Variants in HK1 observed in about 807,000 individuals in gnomAD.
The protein encoded by HK1 is hexokinase-1.
Under a neutral mutation model 91.6 loss-of-function variants are expected in HK1, and 28 were observed. That is an observed-to-expected ratio of 0.31 (90% CI 0.23 to 0.42). The LOEUF is 0.42. HK1 is among the 10% of genes least tolerant of loss of function. The pLI is 1.00. For synonymous variants in HK1, 430 were observed against 468.1 expected (o/e 0.92, Z 1.05); for missense variants, 770 against 1,219.8 (o/e 0.63, Z 5.49).
chr10:69,382,763 C>T lies in HK1; in HGVS notation c.1542C>T (p.Ser514=), dbSNP rs1399324943. 11 of 1,612,790 alleles carry T rather than the reference C, an allele frequency of 6.8e-6. No individual in the cohort carries two copies. The highest frequency in any genetic ancestry group is 9.3e-6 in the Non-Finnish European group (11 of 1,179,738). The change falls in exon 10 of 18, where the codon TCC becomes TCT. Residue 514 remains serine, a synonymous_variant. Transcript: ENST00000359426. ...ATGCCGTGGTTAAGATGCTGCCCTCCTTCGTCCGGAGAACTCCCGACGGGA... is the reference window on the plus strand; with the variant it reads ...ATGCCGTGGTTAAGATGCTGCCCTCTTTCGTCCGGAGAACTCCCGACGGGA... ...HNNAVVKMLP[S]FVRRTPDGTE... is the part of the protein sequence containing the mutation.
rs535783019 is a variant in HK1, at chr10:69,358,897, T to C, written c.227-1000T>C. On this transcript the variant is annotated intron_variant, in intron 2 of 17. Transcript: ENST00000359426. The stretch of plus-strand genomic sequence containing the variant: ...AAAAAAAAAAAAGGATGAAATTCTA[T>C]TGGGGGCAGGGTGGCTCATACCTGC... 6.0e-5 allele frequency among the ~76,000 whole-genome samples: 9 copies of C among 150,628 alleles called. No individual in the cohort carries two copies. The South Asian group carries it at 1.3e-3, about 21-fold the overall frequency.
intron 1 of HK1, among the ~76,000 whole-genome samples, chr10:69,272,501 T>C (rs557025612): frequency 1.3e-5 from 2 of 152,320 alleles, no homozygotes; most frequent in South Asian, 4.1e-4. Flanking sequence ...TGAAAATGTC[T>C]TTTTACCCTT....
At chr10:69,362,889 T>G (rs949132351) in intron 3 of HK1, among the ~76,000 whole-genome samples, 6 of 152,238 alleles carry the variant, frequency 3.9e-5, no homozygotes, top group African/African-American at 1.4e-4. Context: ...AGATGCCAGC[T>G]GCTCTGCAGC....
intron 2 of HK1, among the ~76,000 whole-genome samples, chr10:69,358,211 ATATCT>A (rs1849230501): frequency 6.6e-6 from 1 of 152,178 alleles, no homozygotes; most frequent in South Asian, 2.1e-4. Flanking sequence ...CGAGTGAAAC[ATATCT>A]TAACTGATTT....
chr10:69,311,524 C>T (rs770022566), upstream of HK1, among the ~76,000 whole-genome samples: 17 of 152,180 alleles, frequency 1.1e-4, no homozygotes, highest in Admixed American at 7.9e-4. Context: ...CAAAAGATAA[C>T]GATTTCATTT....
intron 3 of HK1, among the ~76,000 whole-genome samples, chr10:69,289,656 G>A (rs1245961636): frequency 2.6e-5 from 4 of 151,556 alleles, no homozygotes; most frequent in African/African-American, 9.7e-5. Context: ...TTTTTTTGTA[G>A]AGATGGGGTT....
At chr10:69,316,241 G>C (rs754069917), upstream of HK1, among the ~76,000 whole-genome samples, 4 of 152,190 alleles carry the variant, frequency 2.6e-5, no homozygotes, top group East Asian at 7.7e-4. Flanking sequence ...AGAAGGCCTC[G>C]GAAACCAGGC....
intron 2 of HK1, among the ~76,000 whole-genome samples, chr10:69,285,981 C>G (rs1845012505): frequency 6.6e-6 from 1 of 152,144 alleles, no homozygotes; most frequent in Non-Finnish European, 1.5e-5. Context: ...TCTTCTCTGT[C>G]ATGTTACAGA....
In HK1 at chr10:69,276,082, C is replaced by G. The variant is rs1403601288; in HGVS notation, c.-391+5974C>G. 7.4e-5 allele frequency among the ~76,000 whole-genome samples: 5 copies of G among 67,456 alleles called. No individual in the cohort carries two copies. The South Asian group carries it at 2.8e-3, about 38-fold the overall frequency. 44.3% of individuals were successfully genotyped at this position (67,456 alleles called of 152,430 possible). ...TCCAGCCTGGGCAGCAAGAGCAAAA[C>G]TCCTTTTCAAAAAAAAAAAAAAAAA... On this transcript the variant is annotated intron_variant, in intron 1 of 21. Transcript: ENST00000360289.
intron 2 of HK1, among the ~76,000 whole-genome samples, chr10:69,345,482 G>C (rs1848501655): frequency 6.6e-6 from 1 of 152,156 alleles, no homozygotes; most frequent in South Asian, 2.1e-4. Flanking sequence ...AACCTTTCCA[G>C]GATGAGGAGA....
At position 69,398,707 on chromosome 10, in the gene HK1, G is replaced by A; in HGVS notation, c.2488G>A (p.Ala830Thr). 2 of 1,614,222 alleles carry A rather than the reference G, an allele frequency of 1.2e-6. No individual in the cohort carries two copies. Among genetic ancestry groups the A allele is most frequent in the Non-Finnish European group, 8.5e-7 (1 of 1,180,036 alleles). ...KTVCGVVSRR[A>T]AQLCGAGMAA... ...AGTGTGCGGGGTGGTGTCCAGGAGG[G>A]CCGCACAGCTGTGTGGCGCAGGCAT... The change falls in exon 17 of 18, where the codon GCC (alanine) becomes ACC (threonine). Residue 830 changes from alanine (A) to threonine (T), a missense_variant. Physicochemically the swap from Ala to Thr is moderately conservative, Grantham distance 58. Coordinates refer to ENST00000359426, the MANE Select transcript of HK1 (RefSeq NM_000188.3).
intron 8 of HK1, among the ~76,000 whole-genome samples, chr10:69,378,310 A>C (rs915764049): frequency 3.7e-4 from 40 of 107,932 alleles, no homozygotes; most frequent in Non-Finnish European, 6.3e-4. Flanking sequence ...AGGCTATCTC[A>C]AAAAAAAAAA....
chr10:69,370,034 G>T (rs77084807), intron 7 of HK1, among the ~76,000 whole-genome samples: 2 of 152,158 alleles, frequency 1.3e-5, no homozygotes, highest in South Asian at 2.1e-4. Context: ...CACCTAGCGC[G>T]GCCTAAAGCC....
At chr10:69,383,233 A>G (rs890972948) in intron 10 of HK1, among the ~76,000 whole-genome samples, 1 of 152,238 alleles carries the variant, frequency 6.6e-6, no homozygotes, top group African/African-American at 2.4e-5. Flanking sequence ...CACAGCACTG[A>G]TTAGGTTTTC....
At chr10:69,334,748 T>C (rs17476364) in intron 1 of HK1, among the ~76,000 whole-genome samples, 9,707 of 152,186 alleles carry the variant, frequency 0.064, 427 homozygotes, top group Non-Finnish European at 0.098. Flanking sequence ...ACTCACGGTC[T>C]AGCTGGCGGT....
chr10:69,304,847 G>A lies in HK1; in HGVS notation c.27+3986G>A, dbSNP rs921097701. Among the ~76,000 whole-genome samples, 5 of 152,262 alleles carry A rather than the reference G, an allele frequency of 3.3e-5. No homozygotes were observed. The South Asian group carries it at 1.0e-3, about 32-fold the overall frequency. Reference sequence around the variant, plus strand: ...TCCTGCTCATGTGGTTGTTTGCAGCGTTCGGTTCCTTGTAGCTGTAGGATT... The same window carrying A: ...TCCTGCTCATGTGGTTGTTTGCAGCATTCGGTTCCTTGTAGCTGTAGGATT... On this transcript the variant is annotated intron_variant, in intron 5 of 21. Coordinates refer to the HK1 transcript ENST00000360289.
intron 1 of HK1, among the ~76,000 whole-genome samples, chr10:69,326,126 G>A (rs570120032): frequency 8.0e-5 from 12 of 150,068 alleles, no homozygotes; most frequent in Admixed American, 3.3e-4. Context: ...GAGCCACCGC[G>A]CCTGGCCGCT....
intron 1 of HK1, among the ~76,000 whole-genome samples, chr10:69,342,448 G>T (rs561248567): frequency 6.6e-5 from 10 of 152,334 alleles, no homozygotes; most frequent in Middle Eastern, 3.4e-3. Flanking sequence ...TGAAGGTTAG[G>T]TGAGCTGGGA....
chr10:69,314,898 C>CCT (rs1417833513), upstream of HK1, among the ~76,000 whole-genome samples: 3 of 152,090 alleles, frequency 2.0e-5, no homozygotes, highest in African/African-American at 4.8e-5. Context: ...GAACTCCTGA[C>CCT]CACGTGATCC....
Sources: gnomAD v4.1 joint callset for allele counts (sites outside exome capture counted in the v4.1 genomes callset) on GRCh38, gnomAD v4.1.1 for gene constraint, MANE v1.5 for transcripts, NCBI Gene and HGNC (gene_info 2026-07-23, HGNC 2026-07-21) for gene names.